The following FBN3 variants were observed in gnomAD, a reference collection of about 807,000 sequenced individuals.
The protein encoded by FBN3 is fibrillin 3.
Under a neutral mutation model 330.1 loss-of-function variants are expected in FBN3, and 234 were observed. That is an observed-to-expected ratio of 0.71 (90% CI 0.64 to 0.79). The LOEUF is 0.79. Ranked by LOEUF, FBN3 falls within the 30% of genes least tolerant of loss-of-function variation. The probability of loss-of-function intolerance (pLI) is 0.00; values close to 1 mark genes in which losing one functional copy is unlikely to be tolerated. For synonymous variants in FBN3, 1,458 were observed against 1,517.3 expected (o/e 0.96, Z 0.91); for missense variants, 3,606 against 3,886.9 (o/e 0.93, Z 1.92).
At chr19:8,146,324 T>G (rs2083545752) in intron 3 of FBN3, 99 bp from the exon 4 acceptor site, 1 of 959,064 alleles carries the variant, frequency 1.0e-6, no homozygotes, top group Non-Finnish European at 1.6e-6. Flanking sequence ...CAGTGGACGC[T>G]GCTGGTCATC....
At chr19:8,126,412 C>T (rs570655072) in intron 20 of FBN3, 56 bp downstream of exon 20, 31 of 1,590,678 alleles carry the variant, frequency 1.9e-5, no homozygotes, top group Middle Eastern at 1.7e-4. Context: ...AGGGGGGACC[C>T]GCCCCATGGA....
Position 8,065,770 on chromosome 19 carries a change from C to G in FBN3, c.*149G>C. The G allele has an allele frequency of 4.2e-6, 3 of 712,140 alleles. No individual in the cohort carries two copies. Among genetic ancestry groups the G allele is most frequent in the Non-Finnish European group, 4.5e-6 (2 of 442,752 alleles). The allele number at this position is 712,140 out of a possible 1,614,324, so 44.1% of individuals were successfully genotyped here. The stretch of plus-strand genomic sequence containing the variant: ...GCTGGCACAGAGGCCCAGGCAGAGG[C>G]CGGGCTTGCCTGAGGTTGTCGTGTA... On this transcript the variant is annotated 3_prime_UTR_variant, in exon 64 of 64. Coordinates refer to ENST00000600128, the MANE Select transcript of FBN3 (RefSeq NM_032447.5).
chr19:8,147,572 G>A, intron 1 of FBN3, 75 bp from the exon 2 acceptor site: 1 of 1,312,752 alleles, frequency 7.6e-7, no homozygotes, highest in Non-Finnish European at 9.9e-7. Context: ...CAACGAGGAG[G>A]GCAGGGTGGT....
chr19:8,136,106 G>GC lies in FBN3; in HGVS notation c.1466-21dup, dbSNP rs2083273353. ...CCACATCTGCGGGGAAGGCAGGCGG[G>GC]CAGTCAAGAGGTGCTCCCCACCCTC... On this transcript the variant is annotated intron_variant, in intron 12 of 63. Coordinates refer to ENST00000600128, the MANE Select transcript of FBN3 (RefSeq NM_032447.5). 6.2e-7 allele frequency: 1 copy of GC among 1,613,102 alleles called. No homozygotes were observed.
At position 8,083,457 on chromosome 19, in the gene FBN3, C is replaced by T. The variant is rs531624761; in HGVS notation, c.7088-85G>A. The stretch of plus-strand genomic sequence containing the variant: ...TGTCTCCTTCTCTCTGCCCAGCAGC[C>T]GTCTCCTCGGAGGAAAGTCCAGCCT... On this transcript the variant is annotated intron_variant, in intron 56 of 63. Transcript: ENST00000600128. 2,615 of 1,527,418 alleles carry T rather than the reference C, an allele frequency of 1.7e-3. 8 individuals carry two copies. The highest frequency in any genetic ancestry group is 2.0e-3 in the Non-Finnish European group (2,276 of 1,115,444). 94.6% of individuals were successfully genotyped at this position (1,527,418 alleles called of 1,614,324 possible). A position where few individuals can be genotyped will look rare whatever the true frequency, so the allele number is the denominator to read the frequency against.
Position 8,083,272 on chromosome 19 carries a change from C to T in FBN3, c.7188G>A (p.Pro2396=), listed in dbSNP as rs199749308. The part of the protein sequence containing the change: ...FRCHCQAGYT[P]DATATTCLDM... ...CCAGGCAGGTAGTAGCAGTAGCATC[C>T]GGTGTGTACCCGGCCTGACAGTGGC... The change falls in exon 57 of 64, where the codon CCG becomes CCA. Residue 2396 remains proline, a synonymous_variant. Transcript: ENST00000600128. 27 of 1,613,986 alleles carry T rather than the reference C, an allele frequency of 1.7e-5. No homozygotes were observed. Among genetic ancestry groups the T allele is most frequent in the Non-Finnish European group, 1.9e-5 (23 of 1,180,036 alleles).
chr19:8,133,930 T>TA (rs1014748820), intron 13 of FBN3, among the ~76,000 whole-genome samples: 35 of 145,512 alleles, frequency 2.4e-4, no homozygotes, highest in East Asian at 6.1e-4. Flanking sequence ...AACATACATT[T>TA]AAAAAAAAAA....
intron 41 of FBN3, among the ~76,000 whole-genome samples, chr19:8,098,486 AG>A (rs2082259570): frequency 2.7e-5 from 4 of 150,488 alleles, no homozygotes; most frequent in Non-Finnish European, 5.9e-5. Flanking sequence ...AGTGTCCATC[AG>A]TGGGGGACTG....
chr19:8,069,146 G>A (rs932053954), intron 63 of FBN3, among the ~76,000 whole-genome samples: 2 of 152,276 alleles, frequency 1.3e-5, no homozygotes, highest in East Asian at 1.9e-4. Context: ...AGAGGAGAGC[G>A]TAAAGGACCA....
chr19:8,114,565 A>G (rs1244101676), intron 30 of FBN3, among the ~76,000 whole-genome samples: 1 of 151,902 alleles, frequency 6.6e-6, no homozygotes, highest in Non-Finnish European at 1.5e-5. Context: ...TAAAATTTTT[A>G]ATATAGATGG....
Position 8,116,774 on chromosome 19 carries a change from G to A in FBN3, c.3612C>T (p.Pro1204=). The A allele has an allele frequency of 6.2e-7, 1 of 1,614,092 alleles. No individual in the cohort carries two copies. Among genetic ancestry groups the A allele is most frequent in the South Asian group, 1.1e-5 (1 of 91,084 alleles). ...TGCAGTGGCCTTGGTCACAAACGCG[G>A]GGGTTCTCTTCACACTCGTCCACGT... ...CADVDECEEN[P]RVCDQGHCTN... Residue 1204 remains proline (P), a synonymous_variant, in exon 29 of 64, where the codon CCC becomes CCT. Coordinates refer to ENST00000600128, the MANE Select transcript of FBN3 (RefSeq NM_032447.5).
intron 58 of FBN3, 72 bp downstream of exon 58, chr19:8,081,285 TG>T: frequency 2.0e-6 from 3 of 1,535,348 alleles, no homozygotes; most frequent in Non-Finnish European, 2.6e-6. Context: ...GCAGGGGACA[TG>T]TCTTGGGCAT....
At position 8,073,053 on chromosome 19, in the gene FBN3, A is replaced by C; in HGVS notation, c.7937+10T>G. Reference sequence around the variant, plus strand: ...GCATGGAGTCTGCTTGCCCCACTCCAGCCTCTCACCCTTGCCCAGCCCGGA... The same window carrying C: ...GCATGGAGTCTGCTTGCCCCACTCCCGCCTCTCACCCTTGCCCAGCCCGGA... On this transcript the variant is annotated intron_variant, in intron 62 of 63. Transcript: ENST00000600128. 1 of 1,585,700 alleles carries C rather than the reference A, an allele frequency of 6.3e-7. No individual in the cohort carries two copies. Among genetic ancestry groups the C allele is most frequent in the Non-Finnish European group, 8.6e-7 (1 of 1,164,140 alleles).
In FBN3 at chr19:8,110,951, C is replaced by G; in HGVS notation, c.4227G>C (p.Ala1409=). 6.2e-7 allele frequency: 1 copy of G among 1,614,244 alleles called. No homozygotes were observed. Among genetic ancestry groups the G allele is most frequent in the Non-Finnish European group, 8.5e-7 (1 of 1,180,042 alleles). The change falls in exon 34 of 64, where the codon GCG becomes GCC. Residue 1409 remains alanine (A), a synonymous_variant. Transcript: ENST00000600128. ...HRACQDVDEC[A]QGNLCAFGSC... ...TCCCAAATGCACAGAGGTTCCCTTG[C>G]GCACACTCGTCCACATCTGCGGGGA... is the stretch of plus-strand genomic sequence containing the variant.
chr19:8,131,695 G>A lies in FBN3; in HGVS notation c.1849C>T (p.Arg617Cys), dbSNP rs772861080. The A allele has an allele frequency of 5.2e-5, 84 of 1,614,110 alleles. No individual in the cohort carries two copies. In the East Asian group the frequency reaches 8.7e-4, roughly 17 times the overall value. ...DGRVCVDTHV[R>C]STCYGAIEKG... Reference sequence around the variant, plus strand: ...TCGATGGCCCCATAGCAGGTGCTGCGCACGTGGGTGTCCACGCACACGCGG... The same window carrying A: ...TCGATGGCCCCATAGCAGGTGCTGCACACGTGGGTGTCCACGCACACGCGG... Residue 617 changes from arginine to cysteine, a missense_variant, in exon 15 of 64, where the codon CGC becomes TGC. Transcript: ENST00000600128. The surrounding 1 kb of genome is among the most constrained non-coding windows in gnomAD (Gnocchi z 4.5).
At position 8,131,375 on chromosome 19, in the gene FBN3, C is replaced by A; in HGVS notation, c.1991-87G>T. ...ACAGGCAAGGATGAGGCCCTCTGGT[C>A]TTGGGCAAGAGTTTGGGACTAAGAC... On this transcript the variant is annotated intron_variant, in intron 15 of 63. Transcript: ENST00000600128. This position sits in a 1 kb window ranked among gnomAD's most constrained non-coding sequence, Gnocchi z 4.5. 1 of 1,523,594 alleles carries A rather than the reference C, an allele frequency of 6.6e-7. No individual in the cohort carries two copies. Among genetic ancestry groups the A allele is most frequent in the South Asian group, 1.2e-5 (1 of 85,988 alleles). The allele number at this position is 1,523,594 out of a possible 1,614,324, so 94.4% of individuals were successfully genotyped here. A position where few individuals can be genotyped will look rare whatever the true frequency, so the allele number is the denominator to read the frequency against.
rs952454086 is a variant in FBN3 at position 8,110,713 on chromosome 19, C to T, written c.4333+132G>A. On this transcript the variant is annotated intron_variant, in intron 34 of 63. Transcript: ENST00000600128. ...AATGATGGGGACATCAGGCAAGGCG[C>T]CCCCCACCCCCCAGCAAGACTGCAG... is the stretch of plus-strand genomic sequence containing the variant. The T allele has an allele frequency of 9.8e-5, 121 of 1,228,770 alleles. No homozygotes were observed. In the Admixed American group the frequency reaches 2.4e-3, roughly 24 times the overall value. The allele number at this position is 1,228,770 out of a possible 1,614,324, so 76.1% of individuals were successfully genotyped here.
intron 61 of FBN3, among the ~76,000 whole-genome samples, chr19:8,074,492 T>C (rs1036677762): frequency 2.0e-5 from 3 of 151,842 alleles, no homozygotes; most frequent in Non-Finnish European, 4.4e-5. Flanking sequence ...AGGTAGAGGA[T>C]GGAGGCCGAG....
intron 37 of FBN3, among the ~76,000 whole-genome samples, 181 bp downstream of exon 37, chr19:8,107,989 A>C (rs1437069998): frequency 6.6e-6 from 1 of 151,974 alleles, no homozygotes; most frequent in African/African-American, 2.4e-5. Flanking sequence ...CTGAAAGAAC[A>C]GATAAAAAAA....
Sources: gnomAD v4.1 joint callset for allele counts (sites outside exome capture counted in the v4.1 genomes callset) on GRCh38, gnomAD v4.1.1 for gene constraint, Gnocchi (gnomAD v3.1) non-coding constraint, MANE v1.5 for transcripts, NCBI Gene and HGNC (gene_info 2026-07-23, HGNC 2026-07-21) for gene names.